The following CERS6 variants were observed in gnomAD, a reference collection of about 807,000 sequenced individuals.
The protein encoded by CERS6 is LAG1 homolog, ceramide synthase 6.
In CERS6, 26 loss-of-function variants were observed where a neutral mutation model predicts 56.8. The ratio of observed to expected loss-of-function variants is 0.46; its 90% confidence interval spans 0.34 to 0.63. The LOEUF is 0.63. CERS6 is among the 30% of genes least tolerant of loss of function. The probability of loss-of-function intolerance (pLI) is 0.01; values close to 1 mark genes in which losing one functional copy is unlikely to be tolerated. For synonymous variants in CERS6, 164 were observed against 173.3 expected (o/e 0.95, Z 0.42); for missense variants, 415 against 467.5 (o/e 0.89, Z 1.04).
At chr2:168,746,345 T>G (rs1022641891) in intron 8 of CERS6, among the ~76,000 whole-genome samples, 6 of 152,176 alleles carry the variant, frequency 3.9e-5, no homozygotes, top group African/African-American at 1.4e-4. Context: ...TTGCTACTTA[T>G]CATCAACTGC....
intron 4 of CERS6, among the ~76,000 whole-genome samples, chr2:168,662,006 A>G (rs1457654146): frequency 1.3e-5 from 2 of 152,156 alleles, no homozygotes; most frequent in South Asian, 2.1e-4. Context: ...AAATAAGAGT[A>G]TTCTGTGTTC....
intron 8 of CERS6, among the ~76,000 whole-genome samples, chr2:168,764,765 G>A (rs1454027213): frequency 6.6e-6 from 1 of 152,114 alleles, no homozygotes; most frequent in Non-Finnish European, 1.5e-5. Flanking sequence ...GATCATACAG[G>A]CCTTTTTACA....
At chr2:168,633,289 C>G (rs1684791151) in intron 4 of CERS6, among the ~76,000 whole-genome samples, 2 of 151,836 alleles carry the variant, frequency 1.3e-5, no homozygotes, top group Non-Finnish European at 2.9e-5. Context: ...TTTTGATGAG[C>G]TGTGTAGTTT....
intron 3 of CERS6, among the ~76,000 whole-genome samples, chr2:168,570,340 T>C (rs1695962854): frequency 6.6e-6 from 1 of 152,214 alleles, no homozygotes; most frequent in Admixed American, 6.5e-5. Context: ...GGTGTCCTAC[T>C]TCAGTAGGGA....
intron 3 of CERS6, among the ~76,000 whole-genome samples, chr2:168,570,654 CAGG>C (rs1343895393): frequency 6.6e-6 from 1 of 152,030 alleles, no homozygotes; most frequent in Non-Finnish European, 1.5e-5. Flanking sequence ...CTCCTGTGTG[CAGG>C]AGAAGTACAA....
intron 1 of CERS6, among the ~76,000 whole-genome samples, chr2:168,503,078 T>A (rs1259207585): frequency 2.0e-5 from 3 of 152,150 alleles, no homozygotes; most frequent in African/African-American, 4.8e-5. Context: ...CATGCTTTTC[T>A]CATAGTAGTG....
At chr2:168,464,947 T>C (rs1693845260) in intron 1 of CERS6, among the ~76,000 whole-genome samples, 1 of 152,214 alleles carries the variant, frequency 6.6e-6, no homozygotes, top group African/African-American at 2.4e-5. Flanking sequence ...TTGGTGGGAA[T>C]GTAAAATGGT....
intron 4 of CERS6, among the ~76,000 whole-genome samples, chr2:168,690,721 C>T (rs557846636): frequency 1.1e-4 from 16 of 152,108 alleles, no homozygotes; most frequent in African/African-American, 3.9e-4. Context: ...CCCTGCAGGC[C>T]CCTGCTGTTG....
chr2:168,616,066 C>G (rs1028710752), intron 3 of CERS6, among the ~76,000 whole-genome samples: 4 of 152,212 alleles, frequency 2.6e-5, no homozygotes, highest in East Asian at 1.9e-4. Flanking sequence ...GACCTATCTT[C>G]AGCTTCCTCA....
At chr2:168,528,864 G>A (rs13429967) in intron 1 of CERS6, among the ~76,000 whole-genome samples, 9,063 of 152,268 alleles carry the variant, frequency 0.06, 383 homozygotes, top group Non-Finnish European at 0.09. Context: ...GAAGTTAAAT[G>A]AAATTAAGAG....
At chr2:168,515,782 A>G (rs1694874211) in intron 1 of CERS6, among the ~76,000 whole-genome samples, 1 of 152,224 alleles carries the variant, frequency 6.6e-6, no homozygotes, top group Non-Finnish European at 1.5e-5. Flanking sequence ...CAAGAAGAGA[A>G]TCTGTAACGA....
chr2:168,650,987 T>C (rs1685328275), intron 4 of CERS6, among the ~76,000 whole-genome samples: 1 of 151,974 alleles, frequency 6.6e-6, no homozygotes, highest in Admixed American at 6.6e-5. Flanking sequence ...GTGTGAGGGG[T>C]AGCTTTGAGG....
chr2:168,687,334 A>G (rs1484520686), intron 4 of CERS6, among the ~76,000 whole-genome samples: 1 of 152,270 alleles, frequency 6.6e-6, no homozygotes, highest in East Asian at 1.9e-4. Flanking sequence ...GCTGCCTGAT[A>G]CATGGTAAAT....
rs1684861098 is a variant in CERS6 at position 168,771,588 on chromosome 2, T to C, written c.*1926T>C. ...GAACATCTGCTAAAATGCAAGTATA[T>C]GTATAAGGTAATAGCATATTACAGC... is the stretch of plus-strand genomic sequence containing the variant. On this transcript the variant is annotated 3_prime_UTR_variant, in exon 10 of 10. Coordinates refer to ENST00000305747, the MANE Select transcript of CERS6 (RefSeq NM_203463.3). 6.6e-6 allele frequency: 1 copy of C among 152,178 alleles called. No individual in the cohort carries two copies. The highest frequency in any genetic ancestry group is 1.5e-5 in the Non-Finnish European group (1 of 68,038). 9.4% of individuals were successfully genotyped at this position (152,178 alleles called of 1,614,324 possible). A position where few individuals can be genotyped will look rare whatever the true frequency, so the allele number is the denominator to read the frequency against.
intron 6 of CERS6, among the ~76,000 whole-genome samples, chr2:168,704,437 G>C (rs1312071628): frequency 6.6e-6 from 1 of 151,964 alleles, no homozygotes; most frequent in African/African-American, 2.4e-5. Flanking sequence ...AGGGGCCTTG[G>C]GAAAACACCC....
intron 4 of CERS6, among the ~76,000 whole-genome samples, chr2:168,651,780 G>A (rs1351159083): frequency 6.6e-6 from 1 of 152,118 alleles, no homozygotes; most frequent in East Asian, 1.9e-4. Context: ...AGATTTGGGT[G>A]GGGACACAGA....
chr2:168,529,721 T>C lies in CERS6; in HGVS notation c.171-17875T>C, dbSNP rs185220684. On this transcript the variant is annotated intron_variant, in intron 1 of 9. Coordinates refer to ENST00000305747, the MANE Select transcript of CERS6 (RefSeq NM_203463.3). ...TTACTGAAACACCAGAATCTTTTCC[T>C]CATTTGTGAAGCAGTGATGATAATA... is the stretch of plus-strand genomic sequence containing the variant. Among the ~76,000 whole-genome samples the C allele has an allele frequency of 4.6e-5, 7 of 152,342 alleles. No individual in the cohort carries two copies. The East Asian group carries it at 9.6e-4, about 21-fold the overall frequency.
intron 9 of CERS6, chr2:168,766,306 T>C: frequency 1.3e-6 from 2 of 1,597,612 alleles, no homozygotes; most frequent in Non-Finnish European, 1.7e-6. Context: ...TTCTCTTCCT[T>C]CTGCTACCCT....
intron 2 of CERS6, among the ~76,000 whole-genome samples, chr2:168,559,310 CT>C (rs1352817736): frequency 6.6e-6 from 1 of 152,122 alleles, no homozygotes; most frequent in Non-Finnish European, 1.5e-5. Flanking sequence ...GGGTGTGTGT[CT>C]GTTCTAGTCA....
Sources: gnomAD v4.1 joint callset for allele counts (sites outside exome capture counted in the v4.1 genomes callset) on GRCh38, gnomAD v4.1.1 for gene constraint, MANE v1.5 for transcripts, NCBI Gene and HGNC (gene_info 2026-07-23, HGNC 2026-07-21) for gene names.